The following ADAMTSL1 variants were observed in gnomAD, a reference collection of about 807,000 sequenced individuals.
ADAMTSL1 encodes the protein ADAMTS like 1.
A neutral mutation model predicts 201.8 loss-of-function variants in ADAMTSL1; 126 were observed. That is an observed-to-expected ratio of 0.62 (90% CI 0.54 to 0.72). ADAMTSL1 has a LOEUF of 0.72. Among genes scored for constraint, ADAMTSL1 ranks in the 30% least tolerant of loss-of-function variants. The pLI is 0.00. For synonymous variants in ADAMTSL1, 1,121 were observed against 903.4 expected (o/e 1.24, Z -4.32); for missense variants, 2,679 against 2,277.8 (o/e 1.18, Z -3.59).
intron 2 of ADAMTSL1, among the ~76,000 whole-genome samples, chr9:18,221,232 C>A (rs1830247561): frequency 6.6e-6 from 1 of 152,148 alleles, no homozygotes; most frequent in Non-Finnish European, 1.5e-5. Context: ...GCAAATTGGA[C>A]ACATTATTGC....
chr9:18,118,382 G>A (rs1284257090), intron 1 of ADAMTSL1, among the ~76,000 whole-genome samples: 3 of 152,288 alleles, frequency 2.0e-5, no homozygotes, highest in African/African-American at 7.2e-5. Flanking sequence ...GAAGCTACCA[G>A]TATCCAAGGA....
intron 1 of ADAMTSL1, among the ~76,000 whole-genome samples, chr9:17,954,444 T>A (rs1827850575): frequency 2.0e-5 from 3 of 152,216 alleles, no homozygotes; most frequent in Admixed American, 2.0e-4. Flanking sequence ...TTAGCAATTG[T>A]CTGGGATATT....
At chr9:18,506,797 G>T (rs968807970) in intron 2 of ADAMTSL1, among the ~76,000 whole-genome samples, 6 of 151,950 alleles carry the variant, frequency 3.9e-5, no homozygotes, top group African/African-American at 1.5e-4. Flanking sequence ...TCTCATACAA[G>T]GCTGACCAAG....
intron 7 of ADAMTSL1, among the ~76,000 whole-genome samples, chr9:18,649,768 C>T (rs187780406): frequency 6.6e-6 from 1 of 152,082 alleles, no homozygotes; most frequent in African/African-American, 2.4e-5. Flanking sequence ...CAGAGGAGTA[C>T]CCCGCCGTGT....
intron 2 of ADAMTSL1, among the ~76,000 whole-genome samples, chr9:18,431,789 G>A (rs10733353): frequency 0.63 from 95,776 of 151,892 alleles, 30,726 homozygotes; most frequent in East Asian, 0.87. Context: ...GTAGCAAATT[G>A]TCAAGATCCT....
chr9:18,829,998 C>T (rs764325160), intron 23 of ADAMTSL1, 21 bp downstream of exon 23: 2 of 1,591,382 alleles, frequency 1.3e-6, no homozygotes, highest in Non-Finnish European at 1.7e-6. Context: ...CCCTCGGAAA[C>T]ATTGGGCAGA....
intron 3 of ADAMTSL1, among the ~76,000 whole-genome samples, chr9:18,553,198 G>GTTTT (rs1820894126): frequency 6.8e-6 from 1 of 147,786 alleles, no homozygotes. Flanking sequence ...ACTTCTTAGA[G>GTTTT]CTAGTCCCAG....
At chr9:17,985,012 A>C (rs1818864762) in intron 1 of ADAMTSL1, among the ~76,000 whole-genome samples, 1 of 152,162 alleles carries the variant, frequency 6.6e-6, no homozygotes, top group Non-Finnish European at 1.5e-5. Flanking sequence ...ATAGTGCCTA[A>C]CATGTAGGAA....
intron 4 of ADAMTSL1, 173 bp downstream of exon 4, chr9:18,574,439 T>C (rs1233438138): frequency 1.1e-5 from 8 of 704,670 alleles, no homozygotes; most frequent in Middle Eastern, 3.0e-4. Flanking sequence ...CCAAGTGTTG[T>C]ATTGTGCGAA....
At chr9:18,777,948 G>A in intron 19 of ADAMTSL1, 42 bp downstream of exon 19, 2 of 1,513,270 alleles carry the variant, frequency 1.3e-6, no homozygotes, top group South Asian at 1.3e-5. Flanking sequence ...GGAGGCAAGG[G>A]GCCACATCTG....
intron 1 of ADAMTSL1, among the ~76,000 whole-genome samples, chr9:17,927,995 C>G (rs1413681967): frequency 6.0e-5 from 9 of 149,630 alleles, no homozygotes; most frequent in Admixed American, 1.3e-4. Flanking sequence ...TTCTTTCTTT[C>G]TTTTTTTTTT....
At chr9:18,122,635 A>C (rs1456699146) in intron 1 of ADAMTSL1, among the ~76,000 whole-genome samples, 2 of 152,284 alleles carry the variant, frequency 1.3e-5, no homozygotes, top group African/African-American at 4.8e-5. Context: ...TGATTTTATA[A>C]TAATGGTTCA....
intron 2 of ADAMTSL1, among the ~76,000 whole-genome samples, chr9:18,392,004 T>C (rs545643429): frequency 6.6e-6 from 1 of 151,832 alleles, no homozygotes; most frequent in African/African-American, 2.4e-5. Flanking sequence ...TTTGTATTTT[T>C]AGTAGAGACC....
chr9:18,158,711 G>A (rs533735231), intron 1 of ADAMTSL1, among the ~76,000 whole-genome samples: 7 of 151,892 alleles, frequency 4.6e-5, no homozygotes, highest in Non-Finnish European at 8.8e-5. Flanking sequence ...AATTTCATTT[G>A]GGAGTATGCC....
chr9:18,626,692 T>G (rs1826375624), intron 5 of ADAMTSL1, among the ~76,000 whole-genome samples: 1 of 152,156 alleles, frequency 6.6e-6, no homozygotes, highest in African/African-American at 2.4e-5. Flanking sequence ...TAGACTGTAG[T>G]TGGAAAGATA....
At chr9:18,520,699 G>T (rs867355304) in intron 2 of ADAMTSL1, among the ~76,000 whole-genome samples, 7 of 152,316 alleles carry the variant, frequency 4.6e-5, no homozygotes, top group Non-Finnish European at 8.8e-5. Flanking sequence ...CCTACTGATG[G>T]ATGATGCCTG....
intron 1 of ADAMTSL1, among the ~76,000 whole-genome samples, chr9:18,143,912 G>A (rs1278470661): frequency 1.3e-5 from 2 of 152,148 alleles, no homozygotes; most frequent in South Asian, 2.1e-4. Flanking sequence ...GTTTCTGTAG[G>A]AAAATGGGGA....
At chr9:18,644,695 T>C (rs879863738) in intron 7 of ADAMTSL1, among the ~76,000 whole-genome samples, 21 of 152,048 alleles carry the variant, frequency 1.4e-4, no homozygotes, top group Non-Finnish European at 2.9e-4. Flanking sequence ...ATTTCATCCA[T>C]GTCCCTACAA....
chr9:18,020,217 G>A (rs142005541), intron 1 of ADAMTSL1, among the ~76,000 whole-genome samples: 20 of 151,932 alleles, frequency 1.3e-4, no homozygotes, highest in Non-Finnish European at 2.5e-4. Context: ...GTTGGGGAGG[G>A]GACAGGCAGT....
Sources: allele counts gnomAD v4.1 joint callset (sites outside exome capture counted in the v4.1 genomes callset), GRCh38; gene constraint gnomAD v4.1.1; transcripts MANE v1.5; gene names NCBI Gene and HGNC (gene_info 2026-07-23, HGNC 2026-07-21).